Variants in SCN4A observed in about 807,000 individuals in gnomAD.
The protein encoded by SCN4A is sodium voltage-gated channel alpha subunit 4.
SCN4A carries 83 observed loss-of-function variants against 162.0 expected under a neutral mutation model. The observed-to-expected ratio is 0.51, with a 90% CI of 0.43 to 0.61. SCN4A has a LOEUF of 0.61. SCN4A is among the 20% of genes least tolerant of loss of function. The probability of loss-of-function intolerance (pLI) is 0.00; values close to 1 mark genes in which losing one functional copy is unlikely to be tolerated. For missense variants in SCN4A, 2,196 were observed against 2,462.5 expected (o/e 0.89, Z 2.29); for synonymous variants, 944 against 985.1 (o/e 0.96, Z 0.78).
Position 63,951,801 on chromosome 17 carries a change from T to C in SCN4A, c.2476A>G (p.Ile826Val). The change falls in exon 14 of 24, where the codon ATC (isoleucine) becomes GTC (valine). Residue 826 changes from isoleucine (I) to valine (V), a missense_variant. By Grantham distance (29) the Ile-to-Val change is conservative (BLOSUM62 3). Coordinates refer to ENST00000435607, the MANE Select transcript of SCN4A (RefSeq NM_000334.4). The surrounding 1 kb of genome is among the most constrained non-coding windows in gnomAD (Gnocchi z 4.5). Reference protein sequence around the residue: ...DGEMNNLQIAIGRIKLGIGFA... With the variant: ...DGEMNNLQIAVGRIKLGIGFA... ...CCGATGCCCAACTTGATGCGCCCGA[T>C]GGCAATCTGCAGGTTGTTCATCTCG... The C allele has an allele frequency of 6.3e-7, 1 of 1,584,510 alleles. No homozygotes were observed. The highest frequency in any genetic ancestry group is 2.3e-5 in the East Asian group (1 of 43,366).
At position 63,951,221 on chromosome 17, in the gene SCN4A, A is replaced by G. The variant is rs1181162611; in HGVS notation, c.2853+203T>C. 1.3e-5 allele frequency among the ~76,000 whole-genome samples: 2 copies of G among 152,198 alleles called. No homozygotes were observed. The highest frequency in any genetic ancestry group is 1.3e-4 in the Admixed American group (2 of 15,280). On this transcript the variant is annotated intron_variant, in intron 14 of 23. Coordinates refer to ENST00000435607, the MANE Select transcript of SCN4A (RefSeq NM_000334.4). The surrounding 1 kb of genome is among the most constrained non-coding windows in gnomAD (Gnocchi z 4.5). ...AGGGTTGATCATAATAACCACATCA[A>G]TAACGATAGTGACTGCCACCACTCA...
At position 63,972,608 on chromosome 17, in the gene SCN4A, G is replaced by A. The variant is rs1382148081; in HGVS notation, c.234C>T (p.Ile78=). Residue 78 remains isoleucine (I), a synonymous_variant, in exon 1 of 24, where the codon ATC becomes ATT. Coordinates refer to ENST00000435607, the MANE Select transcript of SCN4A (RefSeq NM_000334.4). The surrounding 1 kb of genome is among the most constrained non-coding windows in gnomAD (Gnocchi z 4.3). ...YGDPPPEVIG[I]PLEDLDPYYS... is the part of the protein sequence containing the mutation. ...AGTAGGGATCCAGGTCCTCCAGGGG[G>A]ATGCCGATGACCTCCGGCGGGGGGT... The A allele has an allele frequency of 5.0e-6, 8 of 1,602,792 alleles. No individual in the cohort carries two copies. The highest frequency in any genetic ancestry group is 6.8e-6 in the Non-Finnish European group (8 of 1,174,616).
intron 11 of SCN4A, 72 bp from the exon 12 acceptor site, chr17:63,959,510 C>T (rs1909179028): frequency 2.1e-6 from 3 of 1,450,548 alleles, no homozygotes; most frequent in Admixed American, 1.9e-5. Flanking sequence ...CCACCCAACT[C>T]CCACCTCCTG....
chr17:63,946,364 G>A (rs3785569), intron 18 of SCN4A, among the ~76,000 whole-genome samples: 2 of 151,704 alleles, frequency 1.3e-5, no homozygotes, highest in Non-Finnish European at 2.9e-5. Context: ...GCCGCTTGGG[G>A]GGGCTCGCCA....
chr17:63,959,581 T>C (rs2144795927), intron 11 of SCN4A, 143 bp from the exon 12 acceptor site: 1 of 741,490 alleles, frequency 1.3e-6, no homozygotes. Context: ...AGGAGTGGCA[T>C]GCATGGCCCG....
chr17:63,971,994 A>G, intron 3 of SCN4A, 142 bp downstream of exon 3: 2 of 1,057,346 alleles, frequency 1.9e-6, no homozygotes, highest in Non-Finnish European at 2.8e-6. Context: ...TAGCATGGCC[A>G]CCCCAGGGAC....
chr17:63,966,625 G>C, intron 6 of SCN4A, 81 bp from the exon 7 acceptor site: 2 of 1,038,056 alleles, frequency 1.9e-6, no homozygotes, highest in Non-Finnish European at 3.0e-6. Flanking sequence ...GCACACCTGT[G>C]GACAGGTCTG....
chr17:63,941,131 G>T lies in SCN4A; in HGVS notation c.5151C>A (p.Pro1717=). The change falls in exon 24 of 24, where the codon CCC becomes CCA. Residue 1717 remains proline (P), a synonymous_variant. Transcript: ENST00000435607. The surrounding 1 kb of genome is among the most constrained non-coding windows in gnomAD (Gnocchi z 6.2). The part of the protein sequence containing the change: ...AANPSKVSYE[P]ITTTLKRKHE... ...GCTTCCTCTTGAGGGTGGTGGTGAT[G>T]GGCTCGTAGGACACCTTGGAGGGGT... The T allele has an allele frequency of 6.2e-7, 1 of 1,613,908 alleles. No individual in the cohort carries two copies. The highest frequency in any genetic ancestry group is 8.5e-7 in the Non-Finnish European group (1 of 1,179,858).
rs1001051115 is a variant in SCN4A at position 63,961,396 on chromosome 17, A to G, written c.1642T>C (p.Trp548Arg). The G allele has an allele frequency of 6.2e-7, 1 of 1,613,648 alleles. No individual in the cohort carries two copies. Among genetic ancestry groups the G allele is most frequent in the African/African-American group, 1.3e-5 (1 of 74,970 alleles). The stretch of plus-strand genomic sequence containing the variant: ...AGCACTTTGTGGGCGCACTTGTACC[A>G]CCATGGTGGGCACTTTTGGTGGGCC... ...EEAHQKCPPW[W>R]YKCAHKVLIW... Residue 548 changes from tryptophan (W) to arginine (R), a missense_variant, in exon 11 of 24, where the codon TGG becomes CGG. Coordinates refer to ENST00000435607, the MANE Select transcript of SCN4A (RefSeq NM_000334.4).
In SCN4A at chr17:63,971,268, GA is replaced by G. The variant is rs1909600588; in HGVS notation, c.612-16del. 1.4e-6 allele frequency: 2 copies of G among 1,430,216 alleles called. No homozygotes were observed. Among genetic ancestry groups the G allele is most frequent in the African/African-American group, 1.4e-5 (1 of 70,582 alleles). 88.6% of individuals were successfully genotyped at this position (1,430,216 alleles called of 1,614,324 possible). A position where few individuals can be genotyped will look rare whatever the true frequency, so the allele number is the denominator to read the frequency against. On this transcript the variant is annotated splice_polypyrimidine_tract_variant and intron_variant, in intron 4 of 23. Transcript: ENST00000435607. ...CTGTCAGGTACCTGGGTAGGGGGTG[GA>G]GGGGGGTGGGGACTGTCAGAGCCTG...
At chr17:63,957,118 G>C (rs764202368) in intron 13 of SCN4A, 44 bp downstream of exon 13, 2 of 1,321,514 alleles carry the variant, frequency 1.5e-6, no homozygotes, top group Non-Finnish European at 2.1e-6. Context: ...CATCTTGTAC[G>C]CTTCCCGGGT....
chr17:63,957,522 C>A lies in SCN4A; in HGVS notation c.2020-4G>T. 6.2e-7 allele frequency: 1 copy of A among 1,606,096 alleles called. No individual in the cohort carries two copies. Among genetic ancestry groups the A allele is most frequent in the Non-Finnish European group, 8.5e-7 (1 of 1,174,264 alleles). On this transcript the variant is annotated splice_polypyrimidine_tract_variant and splice_region_variant and intron_variant, in intron 12 of 23. Coordinates refer to ENST00000435607, the MANE Select transcript of SCN4A (RefSeq NM_000334.4). ...TGGCCAGCTTGAAGACCCGCAGCTG[C>A]CAAGCAGGGAGGGCAAGGGTGAATG...
chr17:63,942,796 T>C (rs747166279), intron 23 of SCN4A, 30 bp downstream of exon 23: 3 of 1,602,102 alleles, frequency 1.9e-6, no homozygotes, highest in South Asian at 2.2e-5. Context: ...AGCTCAGTGC[T>C]GCCCTGCCGG....
Position 63,963,756 on chromosome 17 carries a change from C to G in SCN4A, c.1522G>C (p.Gly508Arg), listed in dbSNP as rs546560536. The G allele has an allele frequency of 1.9e-6, 3 of 1,609,944 alleles. No individual in the cohort carries two copies. The East Asian group carries it at 6.7e-5, about 36-fold the overall frequency. The change falls in exon 10 of 24, where the codon GGC becomes CGC. Residue 508 changes from glycine to arginine, a missense_variant. Transcript: ENST00000435607. ...GDPAHGKDCN[G>R]SLDTSQGEKG... Reference sequence around the variant, plus strand: ...TCCCCTTGCGATGTGTCCAGGCTGCCATTGCAGTCTTTGCCATGGGCTGGG... The same window carrying G: ...TCCCCTTGCGATGTGTCCAGGCTGCGATTGCAGTCTTTGCCATGGGCTGGG...
rs1908482049 is a variant in SCN4A at position 63,940,479 on chromosome 17, AG to A, written c.*291del. On this transcript the variant is annotated 3_prime_UTR_variant, in exon 24 of 24. Transcript: ENST00000435607. ...ATGTTCTGACCTCCCCCAGGCCAAA[AG>A]GAGGGGCGACAGGGCCCAGAGGAGG... 3 of 388,558 alleles carry A rather than the reference AG, an allele frequency of 7.7e-6. No individual in the cohort carries two copies. Among genetic ancestry groups the A allele is most frequent in the African/African-American group, 2.1e-5 (1 of 48,170 alleles). 24.1% of individuals were successfully genotyped at this position (388,558 alleles called of 1,614,324 possible).
At chr17:63,964,808 T>C in intron 8 of SCN4A, 131 bp from the exon 9 acceptor site, 1 of 671,512 alleles carries the variant, frequency 1.5e-6, no homozygotes, top group East Asian at 2.7e-5. Flanking sequence ...GGGGGACTGA[T>C]GGCCGTCATT....
In SCN4A at chr17:63,945,944, C is replaced by G. The variant is rs1350068841; in HGVS notation, c.3442-306G>C. 6.6e-6 allele frequency among the ~76,000 whole-genome samples: 1 copy of G among 152,170 alleles called. No individual in the cohort carries two copies. Among genetic ancestry groups the G allele is most frequent in the Non-Finnish European group, 1.5e-5 (1 of 68,024 alleles). ...GGTCACCAGGCAGGAGACAAACACT[C>G]TTTGCTCAGCCCCCATAGGAAACTC... On this transcript the variant is annotated intron_variant, in intron 18 of 23. Coordinates refer to ENST00000435607, the MANE Select transcript of SCN4A (RefSeq NM_000334.4). The surrounding 1 kb of genome is among the most constrained non-coding windows in gnomAD (Gnocchi z 4.4).
At position 63,945,668 on chromosome 17, in the gene SCN4A, C is replaced by T. The variant is rs1908694012; in HGVS notation, c.3442-30G>A. On this transcript the variant is annotated intron_variant, in intron 18 of 23. Coordinates refer to ENST00000435607, the MANE Select transcript of SCN4A (RefSeq NM_000334.4). The surrounding 1 kb of genome is among the most constrained non-coding windows in gnomAD (Gnocchi z 4.4). ...GGGCCAGGGGGTCCATTGCCAGTGC[C>T]TCTCCCAGCCTCTGAGAGAGGGCTC... The T allele has an allele frequency of 1.9e-6, 3 of 1,612,340 alleles. No homozygotes were observed. The highest frequency in any genetic ancestry group is 2.5e-6 in the Non-Finnish European group (3 of 1,179,120).
Position 63,941,301 on chromosome 17 carries a change from G to A in SCN4A, c.4981C>T (p.Leu1661Phe). ...ACCATGGGCAAGTCCAGTGTGATGA[G>A]CTTGATCTTGTTGGGCTTGGCAATC... ...LRIAKPNKIK[L>F]ITLDLPMVPG... The change falls in exon 24 of 24, where the codon CTC becomes TTC. Residue 1661 changes from leucine to phenylalanine, a missense_variant. By Grantham distance (22) the Leu-to-Phe change is conservative. Coordinates refer to ENST00000435607, the MANE Select transcript of SCN4A (RefSeq NM_000334.4). This position sits in a 1 kb window ranked among gnomAD's most constrained non-coding sequence, Gnocchi z 6.2. 1 of 1,613,948 alleles carries A rather than the reference G, an allele frequency of 6.2e-7. No homozygotes were observed.
Sources: allele counts gnomAD v4.1 joint callset (sites outside exome capture counted in the v4.1 genomes callset), GRCh38; gene constraint gnomAD v4.1.1; non-coding constraint Gnocchi (gnomAD v3.1); transcripts MANE v1.5; gene names NCBI Gene and HGNC (gene_info 2026-07-23, HGNC 2026-07-21).